MBOAT1: variants seen among roughly 807,000 people sequenced by gnomAD.
MBOAT1 encodes the protein membrane bound glycerophospholipid O-acyltransferase 1, also known as membrane-bound glycerophospholipid O-acyltransferase 1.
In MBOAT1, 67 loss-of-function variants were observed where a neutral mutation model predicts 64.4. That is an observed-to-expected ratio of 1.04 (90% CI 0.85 to 1.27). The LOEUF is 1.27. MBOAT1 is among the 50% of genes most tolerant of loss of function. The pLI, the probability that MBOAT1 is intolerant of heterozygous loss-of-function variation, is 0.00. For synonymous variants in MBOAT1, 229 were observed against 218.9 expected, an observed-to-expected ratio of 1.05 and a Z score of -0.41; for missense variants, 563 against 604.6, an observed-to-expected ratio of 0.93 and a Z score of 0.72.
Position 20,109,651 on chromosome 6 carries a change from G to A in MBOAT1, c.1308C>T (p.Tyr436=). 1 of 1,614,188 alleles carries A rather than the reference G, an allele frequency of 6.2e-7. No homozygotes were observed. Among genetic ancestry groups the A allele is most frequent in the African/African-American group, 1.3e-5 (1 of 75,062 alleles). The change falls in exon 12 of 13, where the codon TAC becomes TAT. Residue 436 remains tyrosine (Y), a synonymous_variant. Coordinates refer to ENST00000324607, the MANE Select transcript of MBOAT1 (RefSeq NM_001080480.3). The stretch of plus-strand genomic sequence containing the variant: ...CCAACATCACAAAGGGTGCTACCGT[G>A]TAAGAGACAGCCAGCTGAGTGACGG... ...TWAVTQLAVS[Y]TVAPFVMLAV...
In MBOAT1 at chr6:20,212,399, C is replaced by A; in HGVS notation, c.-165G>T. ...GGGAATGCGAACCGGCGCAAACTCT[C>A]GAGGCGCAAACTCTCGAGGCGCAAA... On this transcript the variant is annotated 5_prime_UTR_variant, in exon 1 of 13. Transcript: ENST00000324607. 3 of 635,332 alleles carry A rather than the reference C, an allele frequency of 4.7e-6. No homozygotes were observed. In the South Asian group the frequency reaches 5.9e-5, roughly 12 times the overall value. 39.4% of individuals were successfully genotyped at this position (635,332 alleles called of 1,614,324 possible). A position where few individuals can be genotyped will look rare whatever the true frequency, so the allele number is the denominator to read the frequency against.
chr6:20,134,882 T>G (rs1052375342), intron 4 of MBOAT1, among the ~76,000 whole-genome samples: 1 of 149,974 alleles, frequency 6.7e-6, no homozygotes, highest in Middle Eastern at 3.2e-3. Flanking sequence ...ATTTATTGGT[T>G]TATGATTGGA....
intron 1 of MBOAT1, among the ~76,000 whole-genome samples, chr6:20,170,094 C>G (rs1202342723): frequency 6.6e-6 from 1 of 152,198 alleles, no homozygotes; most frequent in Non-Finnish European, 1.5e-5. Flanking sequence ...CCAGGCTTAT[C>G]CCTCTCCTTT....
Position 20,099,697 on chromosome 6 carries a change from T to C in MBOAT1, c.*2589A>G, listed in dbSNP as rs1759740468. 6.6e-6 allele frequency among the ~76,000 whole-genome samples: 1 copy of C among 152,110 alleles called. No individual in the cohort carries two copies. Among genetic ancestry groups the C allele is most frequent in the Non-Finnish European group, 1.5e-5 (1 of 68,020 alleles). The stretch of plus-strand genomic sequence containing the variant: ...ACAACTGCAATATTTTAGATTTGGC[T>C]TTTTCAAAAACAAAACCAGAAAGTG... On this transcript the variant is annotated 3_prime_UTR_variant, in exon 13 of 13. Transcript: ENST00000324607.
intron 1 of MBOAT1, 133 bp downstream of exon 1, chr6:20,212,000 ACAC>A (rs1763440183): frequency 2.6e-5 from 18 of 700,192 alleles, no homozygotes; most frequent in Non-Finnish European, 3.8e-5. Flanking sequence ...ACACACACAC[ACAC>A]AAAAACCAAC....
rs761038229 is a variant in MBOAT1 at position 20,102,261 on chromosome 6, G to A, written c.*25C>T. The A allele has an allele frequency of 1.2e-6, 2 of 1,606,040 alleles. No individual in the cohort carries two copies. The highest frequency in any genetic ancestry group is 3.4e-5 in the Admixed American group (2 of 59,146). ...CATCTTTCGAACGTTCTGCAGTTTT[G>A]CTTGTTCCGCTTCTCTTGGAGGTAT... is the stretch of plus-strand genomic sequence containing the variant. On this transcript the variant is annotated 3_prime_UTR_variant, in exon 13 of 13. Coordinates refer to ENST00000324607, the MANE Select transcript of MBOAT1 (RefSeq NM_001080480.3).
In MBOAT1 at chr6:20,102,302, T is replaced by C. The variant is rs755923575; in HGVS notation, c.1472A>G (p.Lys491Arg). 26 of 1,613,406 alleles carry C rather than the reference T, an allele frequency of 1.6e-5. No individual in the cohort carries two copies. The highest frequency in any genetic ancestry group is 2.1e-5 in the Non-Finnish European group (25 of 1,179,750). The change falls in exon 13 of 13, where the codon AAG (lysine) becomes AGG (arginine). Residue 491 changes from lysine (K) to arginine (R), a missense_variant. Lys to Arg is a conservative substitution (Grantham distance 26). Coordinates refer to ENST00000324607, the MANE Select transcript of MBOAT1 (RefSeq NM_001080480.3). Reference sequence around the variant, plus strand: ...TTGGAGGTATCAATCTGTTTTTCTCTTATTAATAGAGTTCAGAGTCTGAGG... The same window carrying C: ...TTGGAGGTATCAATCTGTTTTTCTCCTATTAATAGAGTTCAGAGTCTGAGG... ...RRPQTLNSINKRKTD is the reference protein window; with the variant it reads ...RRPQTLNSINRRKTD
In MBOAT1 at chr6:20,126,588, T is replaced by C. The variant is rs1181006844; in HGVS notation, c.643A>G (p.Ile215Val). Reference sequence around the variant, plus strand: ...TTCACCTCCAGCAACTTCATGTGTATATGCTTCCCCTCAATGAAGGCTATG... The same window carrying C: ...TTCACCTCCAGCAACTTCATGTGTACATGCTTCCCCTCAATGAAGGCTATG... ...DYIAFIEGKH[I>V]HMKLLEVNWK... is the part of the protein sequence containing the mutation. The change falls in exon 7 of 13, where the codon ATA (isoleucine) becomes GTA (valine). Residue 215 changes from isoleucine to valine, a missense_variant. Transcript: ENST00000324607. 8.1e-6 allele frequency: 13 copies of C among 1,613,922 alleles called. No individual in the cohort carries two copies. Among genetic ancestry groups the C allele is most frequent in the Non-Finnish European group, 1.1e-5 (13 of 1,179,990 alleles).
At chr6:20,106,947 T>C (rs1468940025) in intron 12 of MBOAT1, among the ~76,000 whole-genome samples, 1 of 152,226 alleles carries the variant, frequency 6.6e-6, no homozygotes, top group Admixed American at 6.5e-5. Context: ...TTCTGCCCCT[T>C]GAGTTCCTGC....
chr6:20,127,800 G>A (rs1760704869), intron 6 of MBOAT1, among the ~76,000 whole-genome samples: 2 of 152,086 alleles, frequency 1.3e-5, no homozygotes, highest in Non-Finnish European at 2.9e-5. Context: ...CACAATAAAT[G>A]TAAGGCCCTC....
At chr6:20,130,709 A>AC (rs1013328562) in intron 5 of MBOAT1, among the ~76,000 whole-genome samples, 2 of 151,852 alleles carry the variant, frequency 1.3e-5, no homozygotes, top group African/African-American at 4.8e-5. Flanking sequence ...GCCAAAAAAA[A>AC]AAACAAACAA....
intron 1 of MBOAT1, among the ~76,000 whole-genome samples, chr6:20,162,703 G>A (rs1469054974): frequency 6.6e-6 from 1 of 152,168 alleles, no homozygotes; most frequent in Non-Finnish European, 1.5e-5. Context: ...CTCAGCTGTA[G>A]GGCAGCTCCA....
At chr6:20,177,635 A>G (rs1031700870) in intron 1 of MBOAT1, among the ~76,000 whole-genome samples, 23 of 152,132 alleles carry the variant, frequency 1.5e-4, no homozygotes, top group African/African-American at 4.6e-4. Flanking sequence ...TTAGCCAGGC[A>G]TGGTGGTGGG....
chr6:20,146,723 C>T (rs1225868703), intron 3 of MBOAT1, among the ~76,000 whole-genome samples: 4 of 152,208 alleles, frequency 2.6e-5, no homozygotes, highest in Non-Finnish European at 1.5e-5. Context: ...CCCTGGCCCA[C>T]AGAAGAAAGA....
At chr6:20,107,895 C>G (rs1760007622) in intron 12 of MBOAT1, among the ~76,000 whole-genome samples, 1 of 151,996 alleles carries the variant, frequency 6.6e-6, no homozygotes, top group African/African-American at 2.4e-5. Context: ...CCCCTGCAGA[C>G]AGCTCAATGG....
intron 1 of MBOAT1, 127 bp downstream of exon 1, chr6:20,212,009 C>CA (rs1478646520): frequency 2.2e-5 from 15 of 680,866 alleles, no homozygotes; most frequent in South Asian, 3.6e-5. Flanking sequence ...CACACAAAAA[C>CA]CAACTGTCTA....
chr6:20,101,661 T>C lies in MBOAT1; in HGVS notation c.*625A>G, dbSNP rs1581388409. On this transcript the variant is annotated 3_prime_UTR_variant, in exon 13 of 13. Transcript: ENST00000324607. ...TTCCCAGCATCCAGGTCACAGTAGC[T>C]GGAAATCATGCAGGAAGGGCAAAAA... Among the ~76,000 whole-genome samples, 1 of 152,204 alleles carries C rather than the reference T, an allele frequency of 6.6e-6. No homozygotes were observed. The highest frequency in any genetic ancestry group is 2.1e-4 in the South Asian group (1 of 4,814).
chr6:20,210,435 G>A (rs1302776406), intron 1 of MBOAT1, among the ~76,000 whole-genome samples: 1 of 152,132 alleles, frequency 6.6e-6, no homozygotes, highest in Non-Finnish European at 1.5e-5. Flanking sequence ...GCTACCTGGG[G>A]CACTGCCTTT....
Position 20,115,994 on chromosome 6 carries a change from A to G in MBOAT1, c.1012-642T>C, listed in dbSNP as rs568113016. On this transcript the variant is annotated intron_variant, in intron 9 of 12. Transcript: ENST00000324607. Reference sequence around the variant, plus strand: ...AACCCATTACCTGGGTTTTCTCATTAGAAAAAAAAAAAGAAAAAGGTCTTA... The same window carrying G: ...AACCCATTACCTGGGTTTTCTCATTGGAAAAAAAAAAAGAAAAAGGTCTTA... Among the ~76,000 whole-genome samples, 29 of 62,424 alleles carry G rather than the reference A, an allele frequency of 4.6e-4. No homozygotes were observed. The East Asian group carries it at 6.8e-3, about 15-fold the overall frequency. 41.0% of individuals were successfully genotyped at this position (62,424 alleles called of 152,430 possible). A position where few individuals can be genotyped will look rare whatever the true frequency, so the allele number is the denominator to read the frequency against.
Sources: allele counts gnomAD v4.1 joint callset (sites outside exome capture counted in the v4.1 genomes callset), GRCh38; gene constraint gnomAD v4.1.1; transcripts MANE v1.5; gene names NCBI Gene and HGNC (gene_info 2026-07-23, HGNC 2026-07-21).